The following CBLB variants were observed in gnomAD, a reference collection of about 807,000 sequenced individuals.
The protein encoded by CBLB is Cbl proto-oncogene B.
A neutral mutation model predicts 104.9 loss-of-function variants in CBLB; 31 were observed. The observed-to-expected ratio is 0.30, with a 90% CI of 0.22 to 0.40. CBLB has a LOEUF of 0.40. CBLB is among the 10% of genes least tolerant of loss of function. The probability of loss-of-function intolerance (pLI) is 1.00; values close to 1 mark genes in which losing one functional copy is unlikely to be tolerated. For synonymous variants in CBLB, 440 were observed against 422.6 expected (o/e 1.04, Z -0.51); for missense variants, 1,062 against 1,214.6 (o/e 0.87, Z 1.87).
intron 3 of CBLB, chr3:105,824,317 T>C (rs1042696131): frequency 2.0e-5 from 3 of 152,158 alleles, no homozygotes; most frequent in Admixed American, 6.6e-5. Context: ...TAACATGTAC[T>C]ATTGGTGGAG....
At chr3:105,708,816 C>T (rs750760514) in intron 10 of CBLB, among the ~76,000 whole-genome samples, 6 of 151,936 alleles carry the variant, frequency 3.9e-5, no homozygotes. Context: ...CATTTATAAA[C>T]ATTATGTAAA....
intron 3 of CBLB, among the ~76,000 whole-genome samples, chr3:105,793,422 G>A (rs1179355792): frequency 6.6e-6 from 1 of 150,696 alleles, no homozygotes; most frequent in Non-Finnish European, 1.5e-5. Flanking sequence ...ACTGATGGAG[G>A]AAGGTGTTCC....
At chr3:105,784,238 G>A (rs531586327) in intron 3 of CBLB, among the ~76,000 whole-genome samples, 110 of 151,954 alleles carry the variant, frequency 7.2e-4, no homozygotes, top group African/African-American at 2.5e-3. Flanking sequence ...ACTCCATTGA[G>A]ACAAAAAAGA....
At position 105,658,518 on chromosome 3, in the gene CBLB, T is replaced by C. The variant is rs2063493014; in HGVS notation, c.*452A>G. ...GGTAGAGATCCATATGAATAAATGATTTAGCTGTTGATGTGGACAGCAAGA... is the reference window on the plus strand; with the variant it reads ...GGTAGAGATCCATATGAATAAATGACTTAGCTGTTGATGTGGACAGCAAGA... On this transcript the variant is annotated 3_prime_UTR_variant, in exon 19 of 19. Coordinates refer to ENST00000394030, the MANE Select transcript of CBLB (RefSeq NM_170662.5). 2 of 246,866 alleles carry C rather than the reference T, an allele frequency of 8.1e-6. No individual in the cohort carries two copies. The highest frequency in any genetic ancestry group is 8.0e-6 in the Non-Finnish European group (1 of 125,136). 15.3% of individuals were successfully genotyped at this position (246,866 alleles called of 1,614,324 possible). A position where few individuals can be genotyped will look rare whatever the true frequency, so the allele number is the denominator to read the frequency against.
At chr3:105,664,608 C>T (rs200869645) in intron 18 of CBLB, among the ~76,000 whole-genome samples, 28 of 152,102 alleles carry the variant, frequency 1.8e-4, no homozygotes, top group East Asian at 3.9e-4. Flanking sequence ...GTATAATATG[C>T]GCATAATTAG....
rs911464229 is a variant in CBLB at position 105,751,405 on chromosome 3, A to T, written c.723+57T>A. The stretch of plus-strand genomic sequence containing the variant: ...GAGACAGAGAGAGAGAGAAACAGAG[A>T]GAAAAGACAGGGAGAGAGAAGAAGG... On this transcript the variant is annotated intron_variant, in intron 5 of 18. Coordinates refer to ENST00000394030, the MANE Select transcript of CBLB (RefSeq NM_170662.5). 5 of 1,227,784 alleles carry T rather than the reference A, an allele frequency of 4.1e-6. No individual in the cohort carries two copies. The African/African-American group carries it at 7.5e-5, about 18-fold the overall frequency. The allele number at this position is 1,227,784 out of a possible 1,614,324, so 76.1% of individuals were successfully genotyped here. A position where few individuals can be genotyped will look rare whatever the true frequency, so the allele number is the denominator to read the frequency against.
chr3:105,863,527 C>T (rs186621161), intron 2 of CBLB, among the ~76,000 whole-genome samples: 14 of 152,286 alleles, frequency 9.2e-5, no homozygotes, highest in Admixed American at 2.6e-4. Context: ...TCTTAGTCCA[C>T]ATGGAATATC....
chr3:105,702,494 A>AAAAAAAAAAAAAAAAAG, intron 11 of CBLB, 35 bp from the exon 12 acceptor site: 1 of 1,476,960 alleles, frequency 6.8e-7, no homozygotes. Flanking sequence ...AAAAAAAAAA[A>AAAAAAAAAAAAAAAAAG]AAAAACTAAA....
intron 10 of CBLB, 113 bp from the exon 11 acceptor site, chr3:105,704,286 A>T: frequency 1.0e-6 from 1 of 956,524 alleles, no homozygotes; most frequent in Non-Finnish European, 1.7e-6. Flanking sequence ...CATTTGTTAA[A>T]ATGAATTCCC....
At chr3:105,810,562 T>G (rs1233918834) in intron 3 of CBLB, among the ~76,000 whole-genome samples, 2 of 152,000 alleles carry the variant, frequency 1.3e-5, no homozygotes, top group Non-Finnish European at 2.9e-5. Context: ...ATTCTAAACC[T>G]CAAAATAAAA....
At chr3:105,827,757 T>C (rs2086812346) in intron 3 of CBLB, among the ~76,000 whole-genome samples, 2 of 152,186 alleles carry the variant, frequency 1.3e-5, no homozygotes, top group Non-Finnish European at 2.9e-5. Flanking sequence ...CAGTTACAGA[T>C]AGTCACAAAA....
chr3:105,825,987 T>TTA (rs1408303827), intron 3 of CBLB, among the ~76,000 whole-genome samples: 1 of 151,808 alleles, frequency 6.6e-6, no homozygotes, highest in East Asian at 1.9e-4. Flanking sequence ...ATTAGTAGAT[T>TTA]AAATTCTTGA....
chr3:105,702,394 A>C lies in CBLB; in HGVS notation c.1659T>G (p.Asp553Glu), dbSNP rs1296866931. 6.5e-7 allele frequency: 1 copy of C among 1,532,872 alleles called. No individual in the cohort carries two copies. The highest frequency in any genetic ancestry group is 2.5e-5 in the East Asian group (1 of 40,610). 95.0% of individuals were successfully genotyped at this position (1,532,872 alleles called of 1,614,324 possible). ...GTCTTTCAGGTGGCGGTGGAGGAGG[A>C]TCTCTTAAGGGAGGAGGTGGTGCTG... ...PLPAPPPPLR[D>E]PPPPPPERPP... is the part of the protein sequence containing the mutation. The change falls in exon 12 of 19, where the codon GAT becomes GAG. Residue 553 changes from aspartate to glutamate, a missense_variant. Physicochemically the swap from Asp to Glu is conservative, Grantham distance 45. Transcript: ENST00000394030.
At chr3:105,750,187 T>A (rs780984181) in intron 5 of CBLB, among the ~76,000 whole-genome samples, 1 of 151,972 alleles carries the variant, frequency 6.6e-6, no homozygotes, top group Non-Finnish European at 1.5e-5. Context: ...CCCAGCTAAT[T>A]TTTTGTATTT....
Position 105,659,002 on chromosome 3 carries a change from G to A in CBLB, c.2917C>T (p.Pro973Ser), listed in dbSNP as rs1475193174. ...ARSILREFAF[P>S]PPVSPRLNL Reference sequence around the variant, plus strand: ...TTTAGACGTGGGGATACTGGAGGAGGGAAGGCAAATTCTCGGAGGATGCTC... The same window carrying A: ...TTTAGACGTGGGGATACTGGAGGAGAGAAGGCAAATTCTCGGAGGATGCTC... The change falls in exon 19 of 19, where the codon CCT becomes TCT. Residue 973 changes from proline to serine, a missense_variant. Pro to Ser is a moderately conservative substitution (Grantham distance 74). Transcript: ENST00000394030. The A allele has an allele frequency of 1.9e-6, 3 of 1,613,950 alleles. No homozygotes were observed. Among genetic ancestry groups the A allele is most frequent in the East Asian group, 2.2e-5 (1 of 44,852 alleles).
chr3:105,760,843 T>C (rs534903441), intron 4 of CBLB, among the ~76,000 whole-genome samples: 3 of 152,346 alleles, frequency 2.0e-5, no homozygotes, highest in South Asian at 2.1e-4. Context: ...AAACTACTGA[T>C]ATTTTAAATA....
intron 2 of CBLB, among the ~76,000 whole-genome samples, chr3:105,858,139 G>C (rs1310577471): frequency 1.3e-5 from 2 of 152,148 alleles, no homozygotes; most frequent in African/African-American, 4.8e-5. Flanking sequence ...GGCCCTGTAG[G>C]CTAAACTGTT....
intron 2 of CBLB, among the ~76,000 whole-genome samples, chr3:105,866,706 G>A (rs1053758232): frequency 3.3e-5 from 5 of 152,166 alleles, no homozygotes; most frequent in African/African-American, 1.2e-4. Context: ...CACCCATCAT[G>A]ATTTCTTCTT....
chr3:105,695,018 T>G (rs2068159107), intron 12 of CBLB, among the ~76,000 whole-genome samples: 1 of 151,832 alleles, frequency 6.6e-6, no homozygotes, highest in Non-Finnish European at 1.5e-5. Context: ...CCACAAACGC[T>G]CATTGTGATA....
Sources: allele counts gnomAD v4.1 joint callset (sites outside exome capture counted in the v4.1 genomes callset), GRCh38; gene constraint gnomAD v4.1.1; transcripts MANE v1.5; gene names NCBI Gene and HGNC (gene_info 2026-07-23, HGNC 2026-07-21).